Variants in MIA3 observed in about 807,000 individuals in gnomAD.
MIA3 encodes MIA SH3 domain ER export factor 3, also known as transport and Golgi organization protein 1 homolog.
MIA3 carries 90 observed loss-of-function variants against 192.4 expected under a neutral mutation model. That is an observed-to-expected ratio of 0.47 (90% confidence interval 0.39 to 0.56). The LOEUF (loss-of-function observed/expected upper bound fraction) is 0.56, where lower values mean the gene tolerates loss of function less well. Ranked by LOEUF, MIA3 falls within the 20% of genes least tolerant of loss-of-function variation. MIA3 has a pLI of 0.00. For missense variants in MIA3, 2,123 were observed against 2,269.4 expected (o/e 0.94, Z 1.31); for synonymous variants, 740 against 792.8 (o/e 0.93, Z 1.12).
In MIA3 at chr1:222,652,268, A is replaced by G. The variant is rs757665996; in HGVS notation, c.4022A>G (p.Lys1341Arg). The change falls in exon 13 of 28, where the codon AAG becomes AGG. Residue 1341 changes from lysine to arginine, a missense_variant. Coordinates refer to ENST00000344922, the MANE Select transcript of MIA3 (RefSeq NM_198551.4). ...AATGAAGCTAAGCTTAGTGAAGAGA[A>G]GGTGAAGTCTGAATGCCATCGGGTT... is the stretch of plus-strand genomic sequence containing the variant. ...ALNEAKLSEEKVKSECHRVQE... is the reference protein window; with the variant it reads ...ALNEAKLSEERVKSECHRVQE... 1.1e-5 allele frequency: 18 copies of G among 1,613,828 alleles called. No individual in the cohort carries two copies. In the South Asian group the frequency reaches 1.5e-4, roughly 14 times the overall value.
Position 222,659,456 on chromosome 1 carries a change from G to A in MIA3, c.4713G>A (p.Arg1571=). ...SAAEEVKTYK[R]RIEEMEDELQ... is the part of the protein sequence containing the mutation. ...TAAAGCCAAGTGTAATTCTTAGGCG[G>A]AGAATTGAAGAAATGGAGGATGAAT... Residue 1571 remains arginine (R), a synonymous_variant, in exon 20 of 28, where the codon CGG becomes CGA. Transcript: ENST00000344922. The A allele has an allele frequency of 3.1e-6, 5 of 1,613,576 alleles. No homozygotes were observed. The highest frequency in any genetic ancestry group is 4.2e-6 in the Non-Finnish European group (5 of 1,179,684).
rs34208115 is a variant in MIA3 at position 222,636,506 on chromosome 1, C to CTT, written c.3477+3280_3477+3281dup. 5.8e-3 allele frequency among the ~76,000 whole-genome samples: 431 copies of CTT among 73,922 alleles called. 3 individuals are homozygous for CTT. Among genetic ancestry groups the CTT allele is most frequent in the African/African-American group, 0.01 (240 of 23,342 alleles). The allele number at this position is 73,922 out of a possible 152,430, so 48.5% of individuals were successfully genotyped here. ...AACTCTACTTGTTCCTAGTGTCCAT[C>CTT]TTTTTTTTTTTTTTTTTTTTTTTTG... On this transcript the variant is annotated intron_variant, in intron 6 of 27. Transcript: ENST00000344922.
chr1:222,647,254 CA>C (rs1663192374), intron 7 of MIA3, among the ~76,000 whole-genome samples: 2 of 152,252 alleles, frequency 1.3e-5, no homozygotes, highest in Admixed American at 1.3e-4. Flanking sequence ...TGTGTATACT[CA>C]TACTTGTACA....
At chr1:222,645,951 C>T (rs888384637) in intron 7 of MIA3, 4 of 321,662 alleles carry the variant, frequency 1.2e-5, no homozygotes, top group East Asian at 9.4e-5. Flanking sequence ...TGTATTTCAA[C>T]TCACAAAGGA....
chr1:222,644,258 C>T, intron 6 of MIA3: 1 of 1,367,152 alleles, frequency 7.3e-7, no homozygotes, highest in Non-Finnish European at 9.5e-7. Flanking sequence ...CCCTCGCCGG[C>T]CGGCTCCTTT....
chr1:222,626,056 GC>G (rs1299550914), intron 3 of MIA3, among the ~76,000 whole-genome samples: 1 of 152,146 alleles, frequency 6.6e-6, no homozygotes, highest in South Asian at 2.1e-4. Flanking sequence ...ACCATGCCCA[GC>G]CCCCCATCTG....
chr1:222,659,893 C>G lies in MIA3; in HGVS notation c.4875-13C>G. The G allele has an allele frequency of 6.2e-7, 1 of 1,603,042 alleles. No homozygotes were observed. The highest frequency in any genetic ancestry group is 1.7e-5 in the Admixed American group (1 of 59,714). ...TTTAACTCTTTCTTAAATATTCTTT[C>G]TCTATATTCAAGATTATTAGAATTA... On this transcript the variant is annotated splice_polypyrimidine_tract_variant and intron_variant, in intron 22 of 27. Coordinates refer to ENST00000344922, the MANE Select transcript of MIA3 (RefSeq NM_198551.4).
chr1:222,629,291 T>G lies in MIA3; in HGVS notation c.2071T>G (p.Phe691Val), dbSNP rs769231865. The change falls in exon 4 of 28, where the codon TTT (phenylalanine) becomes GTT (valine). Residue 691 changes from phenylalanine to valine, a missense_variant. By Grantham distance (50) the Phe-to-Val change is conservative. Transcript: ENST00000344922. The part of the protein sequence containing the change: ...EAKEDSLDEE[F>V]FHHKAMQGTE... ...CAAAGAGGACTCCTTGGATGAAGAG[T>G]TTTTTCATCACAAGGCAATGCAGGG... 99 of 1,612,490 alleles carry G rather than the reference T, an allele frequency of 6.1e-5. No homozygotes were observed. The highest frequency in any genetic ancestry group is 7.6e-5 in the Non-Finnish European group (90 of 1,179,642).
rs189951810 is a variant in MIA3, at chr1:222,625,346, A to G, written c.354+492A>G. 1.0e-3 allele frequency among the ~76,000 whole-genome samples: 157 copies of G among 152,324 alleles called. 1 individual carries two copies. The highest frequency in any genetic ancestry group is 1.5e-3 in the Non-Finnish European group (102 of 68,024). ...ATACAAGGCTTTTCTTTGCTGCTTT[A>G]TATGTGAAAAATTAAGAGTTCAGTA... is the stretch of plus-strand genomic sequence containing the variant. On this transcript the variant is annotated intron_variant, in intron 3 of 27. Coordinates refer to ENST00000344922, the MANE Select transcript of MIA3 (RefSeq NM_198551.4).
chr1:222,639,555 T>C (rs1662766734), intron 6 of MIA3, among the ~76,000 whole-genome samples: 1 of 152,172 alleles, frequency 6.6e-6, no homozygotes, highest in Non-Finnish European at 1.5e-5. Flanking sequence ...CAAATAGGGT[T>C]AACATCAAGA....
At chr1:222,655,839 C>T (rs1663688145) in intron 18 of MIA3, among the ~76,000 whole-genome samples, 1 of 151,976 alleles carries the variant, frequency 6.6e-6, no homozygotes, top group African/African-American at 2.4e-5. Flanking sequence ...CCCCAAAATT[C>T]ATTCAGTCTC....
At chr1:222,644,423 G>A in intron 6 of MIA3, 3 of 1,546,630 alleles carry the variant, frequency 1.9e-6, no homozygotes, top group Non-Finnish European at 2.6e-6. Flanking sequence ...AAAAACAGGG[G>A]GCCCAGTGCC....
In MIA3 at chr1:222,666,052, ACGC is replaced by A. The variant is rs1336743180; in HGVS notation, c.*434_*436del. ...AAACTATCTGGTCACAAAGACTGTTACGCTAAAAATGTTTACTAAAAGATCACT... is the reference window on the plus strand; with the variant it reads ...AAACTATCTGGTCACAAAGACTGTTATAAAAATGTTTACTAAAAGATCACT... On this transcript the variant is annotated 3_prime_UTR_variant, in exon 28 of 28. Coordinates refer to ENST00000344922, the MANE Select transcript of MIA3 (RefSeq NM_198551.4). 6.5e-6 allele frequency: 1 copy of A among 153,142 alleles called. No homozygotes were observed. The highest frequency in any genetic ancestry group is 2.4e-5 in the African/African-American group (1 of 41,474). 9.5% of individuals were successfully genotyped at this position (153,142 alleles called of 1,614,324 possible).
chr1:222,626,826 G>C (rs1270979314), intron 3 of MIA3, among the ~76,000 whole-genome samples: 1 of 152,148 alleles, frequency 6.6e-6, no homozygotes, highest in Admixed American at 6.5e-5. Context: ...GAAAATATGA[G>C]CCCCAAATCC....
intron 9 of MIA3, 102 bp from the exon 10 acceptor site, chr1:222,650,532 G>C: frequency 1.1e-6 from 1 of 910,206 alleles, no homozygotes; most frequent in South Asian, 1.6e-5. Flanking sequence ...AGTCATATGT[G>C]TAAAGTACTG....
At position 222,654,371 on chromosome 1, in the gene MIA3, C is replaced by G. The variant is rs757976139; in HGVS notation, c.4378-18C>G. On this transcript the variant is annotated intron_variant, in intron 16 of 27. Coordinates refer to ENST00000344922, the MANE Select transcript of MIA3 (RefSeq NM_198551.4). Reference sequence around the variant, plus strand: ...ATGCCTCACTTTTATGAATACTTGTCTCTTCTGCAATTTTTAGACACAGAC... The same window carrying G: ...ATGCCTCACTTTTATGAATACTTGTGTCTTCTGCAATTTTTAGACACAGAC... The G allele has an allele frequency of 1.9e-6, 3 of 1,612,486 alleles. No homozygotes were observed. The highest frequency in any genetic ancestry group is 2.2e-5 in the South Asian group (2 of 91,052).
Position 222,628,810 on chromosome 1 carries a change from A to G in MIA3, c.1590A>G (p.Gly530=), listed in dbSNP as rs536033655. The G allele has an allele frequency of 5.5e-5, 89 of 1,614,188 alleles. 1 individual carries two copies. The Admixed American group carries it at 1.1e-3, about 20-fold the overall frequency. The part of the protein sequence containing the change: ...AYDDTENDLK[G]AAIHISKGML... ...ATGATACAGAAAATGACCTAAAAGG[A>G]GCAGCTATTCATATCTCAAAAGGAA... Residue 530 remains glycine (G), a synonymous_variant, in exon 4 of 28, where the codon GGA becomes GGG. Transcript: ENST00000344922.
chr1:222,653,243 A>C lies in MIA3; in HGVS notation c.4225A>C (p.Ile1409Leu), dbSNP rs765867998. 1.2e-6 allele frequency: 2 copies of C among 1,612,984 alleles called. No individual in the cohort carries two copies. Among genetic ancestry groups the C allele is most frequent in the Non-Finnish European group, 8.5e-7 (1 of 1,179,024 alleles). Residue 1409 changes from isoleucine to leucine, a missense_variant, in exon 15 of 28, where the codon ATT becomes CTT. This residue lies in a region of MIA3 where 762 missense variants were observed against 856.4 expected (regional missense o/e 0.89). Transcript: ENST00000344922. ...TCTTTTCTAGGCTTTGACTAACTGC[A>C]TTACACAGTTGAATCTGTTAGAGTG... ...DDNINALTNC[I>L]TQLNLLECES...
chr1:222,625,662 T>C (rs1206416451), intron 3 of MIA3, among the ~76,000 whole-genome samples: 1 of 152,234 alleles, frequency 6.6e-6, no homozygotes, highest in Non-Finnish European at 1.5e-5. Flanking sequence ...AACTACACAT[T>C]CTGTAGAGCA....
Sources: gnomAD v4.1 joint callset for allele counts (sites outside exome capture counted in the v4.1 genomes callset) on GRCh38, gnomAD v4.1.1 for gene constraint, gnomAD v4.1.1 regional missense constraint, MANE v1.5 for transcripts, NCBI Gene and HGNC (gene_info 2026-07-23, HGNC 2026-07-21) for gene names.